The following FSD2 variants were observed in gnomAD, a reference collection of about 807,000 sequenced individuals.
FSD2 encodes fibronectin type III and SPRY domain containing 2, also known as fibronectin type III and SPRY domain-containing protein 2.
In FSD2, 71 loss-of-function variants were observed where a neutral mutation model predicts 80.4. That is an observed-to-expected ratio of 0.88 (90% CI 0.73 to 1.08). The LOEUF (loss-of-function observed/expected upper bound fraction) is 1.08, where lower values mean the gene tolerates loss of function less well. Among genes scored for constraint, FSD2 ranks in the 50% least tolerant of loss-of-function variants. The pLI is 0.00. For synonymous variants in FSD2, 361 were observed against 329.5 expected, an observed-to-expected ratio of 1.10 and a Z score of -1.03; for missense variants, 923 against 913.8, an observed-to-expected ratio of 1.01 and a Z score of -0.13.
In FSD2 at chr15:82,770,928, G is replaced by T. The variant is rs527408963; in HGVS notation, c.1268-1044C>A. 9.9e-5 allele frequency among the ~76,000 whole-genome samples: 15 copies of T among 152,234 alleles called. No homozygotes were observed. The South Asian group carries it at 2.9e-3, about 30-fold the overall frequency. ...AATGACTTCTGTGTATCTGCAGGGG[G>T]TGCTGACAGGGTTGATTTGTGGCAA... On this transcript the variant is annotated intron_variant, in intron 7 of 12. Coordinates refer to ENST00000334574, the MANE Select transcript of FSD2 (RefSeq NM_001007122.4).
At chr15:82,785,754 A>G (rs1331898863) in intron 3 of FSD2, among the ~76,000 whole-genome samples, 1 of 152,204 alleles carries the variant, frequency 6.6e-6, no homozygotes, top group Non-Finnish European at 1.5e-5. Flanking sequence ...CTGACTTTAT[A>G]TAGTCAACAT....
chr15:82,778,960 C>A, intron 5 of FSD2, 73 bp from the exon 6 acceptor site: 1 of 1,528,372 alleles, frequency 6.5e-7, no homozygotes, highest in South Asian at 1.2e-5. Context: ...AGTGCTGAGT[C>A]ACTGTCATAA....
chr15:82,786,422 A>T (rs957417992), intron 3 of FSD2, 89 bp downstream of exon 3: 1 of 988,790 alleles, frequency 1.0e-6, no homozygotes, highest in Non-Finnish European at 1.6e-6. Context: ...AAGAAAACAG[A>T]TTCTCTAGCT....
intron 1 of FSD2, among the ~76,000 whole-genome samples, chr15:82,801,009 T>A (rs1047004725): frequency 1.3e-5 from 2 of 152,216 alleles, no homozygotes; most frequent in Non-Finnish European, 2.9e-5. Context: ...TGCCCCAATG[T>A]AACCCTTCCC....
At chr15:82,788,971 T>C (rs1254132353) in intron 1 of FSD2, among the ~76,000 whole-genome samples, 2 of 146,710 alleles carry the variant, frequency 1.4e-5, no homozygotes, top group East Asian at 4.0e-4. Context: ...AGAGCAAGAC[T>C]CTGTCTAAAA....
intron 12 of FSD2, among the ~76,000 whole-genome samples, chr15:82,760,522 A>G (rs2049268092): frequency 6.6e-6 from 1 of 152,218 alleles, no homozygotes; most frequent in Non-Finnish European, 1.5e-5. Context: ...AATATGATCT[A>G]AACGTGTCAG....
chr15:82,790,544 TTG>T (rs57545404), intron 1 of FSD2, among the ~76,000 whole-genome samples: 115 of 148,412 alleles, frequency 7.7e-4, no homozygotes, highest in Middle Eastern at 3.4e-3. Flanking sequence ...GAGCTGCCAT[TTG>T]TGTGTGTGTG....
intron 7 of FSD2, among the ~76,000 whole-genome samples, chr15:82,770,607 G>A (rs938760659): frequency 6.6e-6 from 1 of 152,150 alleles, no homozygotes; most frequent in Non-Finnish European, 1.5e-5. Flanking sequence ...GGAAGTGGAG[G>A]TTGCAGTGAG....
rs2049193093 is a variant in FSD2, at chr15:82,757,139, G to A, written c.*2209C>T. The A allele has an allele frequency of 6.6e-6, 1 of 152,096 alleles. No homozygotes were observed. Among genetic ancestry groups the A allele is most frequent in the Non-Finnish European group, 1.5e-5 (1 of 68,020 alleles). The allele number at this position is 152,096 out of a possible 1,614,324, so 9.4% of individuals were successfully genotyped here. A position where few individuals can be genotyped will look rare whatever the true frequency, so the allele number is the denominator to read the frequency against. Reference sequence around the variant, plus strand: ...TTGAAGTTGCTAATCTGCTTTAAGTGGATTTTAAATGTCAGGCAATTCTAG... The same window carrying A: ...TTGAAGTTGCTAATCTGCTTTAAGTAGATTTTAAATGTCAGGCAATTCTAG... On this transcript the variant is annotated 3_prime_UTR_variant, in exon 13 of 13. Transcript: ENST00000334574.
chr15:82,778,755 C>G lies in FSD2; in HGVS notation c.1111+11G>C. On this transcript the variant is annotated intron_variant, in intron 6 of 12. Coordinates refer to ENST00000334574, the MANE Select transcript of FSD2 (RefSeq NM_001007122.4). ...CTGAACCTGCCGCGAAGTACACACA[C>G]AGGTGAGCACCTGGAATGGTGTTAA... The G allele has an allele frequency of 6.2e-7, 1 of 1,602,456 alleles. No homozygotes were observed. Among genetic ancestry groups the G allele is most frequent in the South Asian group, 1.1e-5 (1 of 89,540 alleles).
rs1939860657 is a variant in FSD2 at position 82,757,011 on chromosome 15, C to A, written c.*2337G>T. 6.6e-6 allele frequency: 1 copy of A among 152,072 alleles called. No homozygotes were observed. Among genetic ancestry groups the A allele is most frequent in the Non-Finnish European group, 1.5e-5 (1 of 68,006 alleles). The allele number at this position is 152,072 out of a possible 1,614,324, so 9.4% of individuals were successfully genotyped here. A position where few individuals can be genotyped will look rare whatever the true frequency, so the allele number is the denominator to read the frequency against. On this transcript the variant is annotated 3_prime_UTR_variant, in exon 13 of 13. Coordinates refer to ENST00000334574, the MANE Select transcript of FSD2 (RefSeq NM_001007122.4). ...TAGTTTCAGGAATTGAGATTTTTTACAAAAATACAAAAGTTTTGCTTGGTT... is the reference window on the plus strand; with the variant it reads ...TAGTTTCAGGAATTGAGATTTTTTAAAAAAATACAAAAGTTTTGCTTGGTT...
At chr15:82,772,539 C>T (rs886969918) in intron 6 of FSD2, among the ~76,000 whole-genome samples, 6 of 152,200 alleles carry the variant, frequency 3.9e-5, no homozygotes, top group Non-Finnish European at 8.8e-5. Context: ...CCTTCCGTGG[C>T]ACCTAAAGAG....
Position 82,786,776 on chromosome 15 carries a change from G to A in FSD2, c.615C>T (p.Leu205=). 1 of 1,613,810 alleles carries A rather than the reference G, an allele frequency of 6.2e-7. No homozygotes were observed. Among genetic ancestry groups the A allele is most frequent in the South Asian group, 1.1e-5 (1 of 91,060 alleles). Reference sequence around the variant, plus strand: ...CCTTGGCACTTTCCAGTGCTTCATTGAGTGGGATCACTTCATGCTCCTTAT... The same window carrying A: ...CCTTGGCACTTTCCAGTGCTTCATTAAGTGGGATCACTTCATGCTCCTTAT... ...DEHKEHEVIP[L]NEALESAKDE... is the part of the protein sequence containing the mutation. Residue 205 remains leucine (L), a synonymous_variant, in exon 2 of 13, where the codon CTC becomes CTT. Coordinates refer to ENST00000334574, the MANE Select transcript of FSD2 (RefSeq NM_001007122.4).
intron 1 of FSD2, among the ~76,000 whole-genome samples, chr15:82,799,306 G>A (rs961909258): frequency 2.6e-5 from 4 of 151,966 alleles, no homozygotes; most frequent in South Asian, 4.2e-4. Flanking sequence ...TGTGTCCCCC[G>A]GCTCAGCTGG....
In FSD2 at chr15:82,786,478, T is replaced by C. The variant is rs1324388992; in HGVS notation, c.735+33A>G. The C allele has an allele frequency of 3.4e-6, 5 of 1,477,714 alleles. No homozygotes were observed. In the South Asian group the frequency reaches 4.6e-5, roughly 14 times the overall value. 91.5% of individuals were successfully genotyped at this position (1,477,714 alleles called of 1,614,324 possible). A position where few individuals can be genotyped will look rare whatever the true frequency, so the allele number is the denominator to read the frequency against. ...GACATAGCCATTGATGGAAGAAATG[T>C]GAGTCTGATGAGGTCTTCAAGTGTG... On this transcript the variant is annotated intron_variant, in intron 3 of 12. Coordinates refer to ENST00000334574, the MANE Select transcript of FSD2 (RefSeq NM_001007122.4).
At chr15:82,785,897 CA>C (rs2049984452) in intron 3 of FSD2, among the ~76,000 whole-genome samples, 1 of 151,666 alleles carries the variant, frequency 6.6e-6, no homozygotes, top group Non-Finnish European at 1.5e-5. Context: ...ACTTCTACCC[CA>C]AAAAAAGAGG....
At chr15:82,795,408 T>C (rs1240575924) in intron 1 of FSD2, among the ~76,000 whole-genome samples, 4 of 152,120 alleles carry the variant, frequency 2.6e-5, no homozygotes. Context: ...AACCTGAGAA[T>C]GAACATTCCA....
chr15:82,801,308 A>G (rs562867290), intron 1 of FSD2, among the ~76,000 whole-genome samples: 85 of 152,240 alleles, frequency 5.6e-4, no homozygotes, highest in African/African-American at 1.9e-3. Context: ...CGTACCAACT[A>G]TCACTCCCCC....
rs1308574346 is a variant in FSD2, at chr15:82,757,636, A to G, written c.*1712T>C. 6.6e-6 allele frequency: 1 copy of G among 152,130 alleles called. No individual in the cohort carries two copies. Among genetic ancestry groups the G allele is most frequent in the Non-Finnish European group, 1.5e-5 (1 of 68,042 alleles). 9.4% of individuals were successfully genotyped at this position (152,130 alleles called of 1,614,324 possible). ...CGTGAGCCACCGCGCCCGGCCGAGAACATTTTTAAATATACATGATATGTA... is the reference window on the plus strand; with the variant it reads ...CGTGAGCCACCGCGCCCGGCCGAGAGCATTTTTAAATATACATGATATGTA... On this transcript the variant is annotated 3_prime_UTR_variant, in exon 13 of 13. Coordinates refer to ENST00000334574, the MANE Select transcript of FSD2 (RefSeq NM_001007122.4).
Sources: gnomAD v4.1 joint callset for allele counts (sites outside exome capture counted in the v4.1 genomes callset) on GRCh38, gnomAD v4.1.1 for gene constraint, MANE v1.5 for transcripts, NCBI Gene and HGNC (gene_info 2026-07-23, HGNC 2026-07-21) for gene names.